The following CPA6 variants were observed in gnomAD, a reference collection of about 807,000 sequenced individuals.
The protein encoded by CPA6 is carboxypeptidase B.
Under a neutral mutation model 63.3 loss-of-function variants are expected in CPA6, and 58 were observed. That is an observed-to-expected ratio of 0.92 (90% CI 0.74 to 1.14). CPA6 has a LOEUF of 1.14. CPA6 is among the 50% of genes most tolerant of loss of function. CPA6 has a pLI of 0.00. For synonymous variants in CPA6, 185 were observed against 179.0 expected (o/e 1.03, Z -0.27); for missense variants, 565 against 526.6 (o/e 1.07, Z -0.71).
At chr8:67,667,207 C>T (rs556464837) in intron 1 of CPA6, among the ~76,000 whole-genome samples, 1 of 152,108 alleles carries the variant, frequency 6.6e-6, no homozygotes, top group Admixed American at 6.5e-5. Flanking sequence ...TTCAGCATGT[C>T]AAGAAAAGGT....
intron 3 of CPA6, among the ~76,000 whole-genome samples, chr8:67,514,476 A>G (rs1224453328): frequency 6.6e-6 from 1 of 152,218 alleles, no homozygotes; most frequent in East Asian, 1.9e-4. Context: ...TCCAGGCTAC[A>G]GTACTAAAAG....
chr8:67,455,142 T>C (rs540072333), intron 8 of CPA6, among the ~76,000 whole-genome samples: 62 of 152,280 alleles, frequency 4.1e-4, no homozygotes, highest in African/African-American at 1.4e-3. Flanking sequence ...TATAATAAGA[T>C]GTAAACTAGG....
chr8:67,455,657 CA>C (rs1385043834), intron 8 of CPA6, among the ~76,000 whole-genome samples: 4 of 4,122 alleles, frequency 9.7e-4, no homozygotes, highest in Non-Finnish European at 1.7e-3. Context: ...CCCTTCTCTA[CA>C]AAAGCAAAAA....
chr8:67,541,216 A>G (rs1812696561), intron 2 of CPA6, among the ~76,000 whole-genome samples: 1 of 152,174 alleles, frequency 6.6e-6, no homozygotes, highest in South Asian at 2.1e-4. Context: ...TGCGAAGACC[A>G]TGGGGAAAGC....
intron 2 of CPA6, among the ~76,000 whole-genome samples, chr8:67,552,653 G>A (rs1026130965): frequency 6.6e-5 from 10 of 151,550 alleles, no homozygotes; most frequent in Admixed American, 5.3e-4. Context: ...CGTGCCTGTA[G>A]TCCCAGCTAC....
At chr8:67,451,229 G>A (rs1403734134) in intron 8 of CPA6, among the ~76,000 whole-genome samples, 1 of 152,214 alleles carries the variant, frequency 6.6e-6, no homozygotes, top group African/African-American at 2.4e-5. Flanking sequence ...TGGCATGTGA[G>A]CAAGCAAAGC....
intron 1 of CPA6, among the ~76,000 whole-genome samples, chr8:67,683,193 A>G (rs1463870760): frequency 6.6e-6 from 1 of 152,184 alleles, no homozygotes; most frequent in Non-Finnish European, 1.5e-5. Flanking sequence ...TCCATATTTG[A>G]AACCATTGTT....
chr8:67,450,154 T>C (rs1453366474), intron 8 of CPA6, among the ~76,000 whole-genome samples: 2 of 152,150 alleles, frequency 1.3e-5, no homozygotes, highest in African/African-American at 2.4e-5. Context: ...TGGAGGCTTA[T>C]GTGATATCAA....
chr8:67,433,255 C>T (rs1810068430), intron 9 of CPA6, among the ~76,000 whole-genome samples: 1 of 152,176 alleles, frequency 6.6e-6, no homozygotes, highest in Admixed American at 6.5e-5. Context: ...GCACCCCCTC[C>T]TTTTCCCCAG....
intron 1 of CPA6, chr8:67,735,494 T>C (rs1200134169): frequency 1.3e-5 from 2 of 152,224 alleles, no homozygotes; most frequent in African/African-American, 4.8e-5. Flanking sequence ...AGTCTTTTAC[T>C]TAATTCCTTA....
At chr8:67,620,012 G>A (rs978910789) in intron 2 of CPA6, among the ~76,000 whole-genome samples, 4 of 152,196 alleles carry the variant, frequency 2.6e-5, no homozygotes, top group East Asian at 1.9e-4. Flanking sequence ...AACAGTGTCC[G>A]CTGGGCTGCC....
rs1587430798 is a variant in CPA6 at position 67,443,960 on chromosome 8, C to T, written c.839-9720G>A. Among the ~76,000 whole-genome samples, 6 of 151,272 alleles carry T rather than the reference C, an allele frequency of 4.0e-5. No individual in the cohort carries two copies. In the South Asian group the frequency reaches 1.3e-3, roughly 32 times the overall value. ...GAGGTGGGGTTTGATAACATCTTAC[C>T]TCTCTGGCTTGGCCAACTTAGACAT... On this transcript the variant is annotated intron_variant, in intron 8 of 10. Transcript: ENST00000297770.
intron 1 of CPA6, among the ~76,000 whole-genome samples, chr8:67,644,308 C>T (rs1395814943): frequency 1.3e-5 from 2 of 152,062 alleles, no homozygotes; most frequent in Non-Finnish European, 2.9e-5. Flanking sequence ...TTAGTAGAGA[C>T]GGCGTTTCAC....
At chr8:67,589,943 G>C (rs1814065032) in intron 2 of CPA6, among the ~76,000 whole-genome samples, 1 of 151,656 alleles carries the variant, frequency 6.6e-6, no homozygotes, top group South Asian at 2.1e-4. Flanking sequence ...CAATGTGCAG[G>C]TTAGTTACAT....
intron 4 of CPA6, 97 bp downstream of exon 4, chr8:67,511,444 C>T (rs1812040308): frequency 1.4e-6 from 1 of 710,498 alleles, no homozygotes; most frequent in East Asian, 2.5e-5. Flanking sequence ...CTTTATGCTT[C>T]TCCCCTAGAA....
At chr8:67,653,672 A>C (rs1815905823) in intron 1 of CPA6, among the ~76,000 whole-genome samples, 1 of 152,106 alleles carries the variant, frequency 6.6e-6, no homozygotes, top group Non-Finnish European at 1.5e-5. Context: ...TAGATATATA[A>C]TCATGTCATC....
intron 2 of CPA6, among the ~76,000 whole-genome samples, chr8:67,583,730 G>A (rs530611763): frequency 9.0e-4 from 137 of 152,090 alleles, no homozygotes; most frequent in Non-Finnish European, 1.6e-3. Context: ...ATTGTTAGGC[G>A]CTTGAGTTAG....
chr8:67,549,916 G>A (rs1812903098), intron 2 of CPA6, among the ~76,000 whole-genome samples: 1 of 152,120 alleles, frequency 6.6e-6, no homozygotes, highest in South Asian at 2.1e-4. Context: ...CTTCCATGTT[G>A]TGGCTATTGT....
chr8:67,473,483 G>A (rs547459217), intron 8 of CPA6, among the ~76,000 whole-genome samples: 2 of 152,310 alleles, frequency 1.3e-5, no homozygotes, highest in African/African-American at 4.8e-5. Flanking sequence ...GCTTATGAAA[G>A]AATTCTTGGT....
Sources: allele counts gnomAD v4.1 joint callset (sites outside exome capture counted in the v4.1 genomes callset), GRCh38; gene constraint gnomAD v4.1.1; transcripts MANE v1.5; gene names NCBI Gene and HGNC (gene_info 2026-07-23, HGNC 2026-07-21).